Variants in KIF1A observed in about 807,000 individuals in gnomAD.
The protein encoded by KIF1A is kinesin-like protein KIF1A.
KIF1A carries 46 observed loss-of-function variants against 227.3 expected under a neutral mutation model. The observed-to-expected ratio is 0.20, with a 90% CI of 0.16 to 0.26. KIF1A has a LOEUF of 0.26. Ranked by LOEUF, KIF1A falls within the 10% of genes least tolerant of loss-of-function variation. The pLI, the probability that KIF1A is intolerant of heterozygous loss-of-function variation, is 1.00. For missense variants in KIF1A, 1,683 were observed against 2,485.9 expected (o/e 0.68, Z 6.87); for synonymous variants, 1,022 against 1,012.8 (o/e 1.01, Z -0.17).
In KIF1A at chr2:240,792,126, C is replaced by T. The variant is rs959490270; in HGVS notation, c.107-2814G>A. Among the ~76,000 whole-genome samples, 10 of 152,206 alleles carry T rather than the reference C, an allele frequency of 6.6e-5. No homozygotes were observed. Among genetic ancestry groups the T allele is most frequent in the Admixed American group, 4.6e-4 (7 of 15,300 alleles). On this transcript the variant is annotated intron_variant, in intron 2 of 48. Transcript: ENST00000498729. This position sits in a 1 kb window ranked among gnomAD's most constrained non-coding sequence, Gnocchi z 4.5. ...GAGGTCCTCTCCCCCGGTCACACGA[C>T]GCACAGCCAGACTAGAAGCCAGGGT...
intron 34 of KIF1A, among the ~76,000 whole-genome samples, chr2:240,741,975 C>A (rs779320839): frequency 6.6e-6 from 1 of 152,230 alleles, no homozygotes; most frequent in African/African-American, 2.4e-5. Flanking sequence ...TCTAGCAAGT[C>A]CCCTCCTCTG....
rs755479485 is a variant in KIF1A, at chr2:240,769,647, T to C, written c.1401A>G (p.Thr467=). 42 of 1,613,340 alleles carry C rather than the reference T, an allele frequency of 2.6e-5. No homozygotes were observed. The highest frequency in any genetic ancestry group is 3.6e-5 in the Non-Finnish European group (42 of 1,179,732). The stretch of plus-strand genomic sequence containing the variant: ...CACACCTCTCCATCCGGATGGCTTC[T>C]GTCCGCCGCAGCTTCTCCTCCCAGG... ...NETWEEKLRR[T]EAIRMEREAL... is the part of the protein sequence containing the mutation. Residue 467 remains threonine (T), a synonymous_variant, in exon 16 of 49, where the codon ACA becomes ACG. Transcript: ENST00000498729.
At chr2:240,723,844 A>T in intron 41 of KIF1A, 131 bp downstream of exon 41, 1 of 869,078 alleles carries the variant, frequency 1.2e-6, no homozygotes, top group Non-Finnish European at 1.9e-6. Flanking sequence ...ACAACTCCAG[A>T]AGCCACAAGG....
At chr2:240,754,280 T>A (rs987912918) in intron 27 of KIF1A, among the ~76,000 whole-genome samples, 1 of 152,180 alleles carries the variant, frequency 6.6e-6, no homozygotes. Flanking sequence ...CCTGTGAGCA[T>A]CCTCATGGCA....
rs193235064 is a variant in KIF1A, at chr2:240,752,220, C to T, written c.2859-1673G>A. On this transcript the variant is annotated intron_variant, in intron 27 of 48. Coordinates refer to ENST00000498729, the MANE Select transcript of KIF1A (RefSeq NM_001244008.2). The surrounding 1 kb of genome is among the most constrained non-coding windows in gnomAD (Gnocchi z 6.4). Reference sequence around the variant, plus strand: ...ATGGAGCCCATCAGGGACTTGTTACCCACAGGGCTGCAGGCGGCTCTGCCT... The same window carrying T: ...ATGGAGCCCATCAGGGACTTGTTACTCACAGGGCTGCAGGCGGCTCTGCCT... Among the ~76,000 whole-genome samples, 56 of 152,144 alleles carry T rather than the reference C, an allele frequency of 3.7e-4. No individual in the cohort carries two copies. The East Asian group carries it at 8.9e-3, about 24-fold the overall frequency.
rs1488881776 is a variant in KIF1A at position 240,790,273 on chromosome 2, A to T, written c.107-961T>A. 6.6e-6 allele frequency among the ~76,000 whole-genome samples: 1 copy of T among 152,178 alleles called. No homozygotes were observed. The highest frequency in any genetic ancestry group is 1.5e-5 in the Non-Finnish European group (1 of 68,030). ...CCCCTCCCAGGTTCTCACACCCAGG[A>T]GGAACACTGGCCATTCCTGGTCAGG... is the stretch of plus-strand genomic sequence containing the variant. On this transcript the variant is annotated intron_variant, in intron 2 of 48. Coordinates refer to ENST00000498729, the MANE Select transcript of KIF1A (RefSeq NM_001244008.2). This position sits in a 1 kb window ranked among gnomAD's most constrained non-coding sequence, Gnocchi z 5.0.
intron 17 of KIF1A, 144 bp from the exon 18 acceptor site, chr2:240,767,489 C>T (rs2051358809): frequency 3.0e-6 from 2 of 661,648 alleles, no homozygotes; most frequent in South Asian, 3.6e-5. Context: ...AGGCTGGTCA[C>T]TCCAAGCCAG....
intron 10 of KIF1A, among the ~76,000 whole-genome samples, chr2:240,781,579 G>A (rs558572737): frequency 6.6e-6 from 1 of 150,964 alleles, no homozygotes; most frequent in African/African-American, 2.4e-5. Context: ...TCCCCACGCC[G>A]CCCACGCCAT....
chr2:240,786,644 G>A, intron 5 of KIF1A, 131 bp from the exon 6 acceptor site: 2 of 789,202 alleles, frequency 2.5e-6, no homozygotes, highest in Non-Finnish European at 4.0e-6. Context: ...GCCGCCATCA[G>A]GACCCCTGAG....
intron 48 of KIF1A, 58 bp downstream of exon 48, chr2:240,717,992 G>C: frequency 1.8e-6 from 2 of 1,123,514 alleles, no homozygotes; most frequent in South Asian, 2.6e-5. Context: ...GTCCTGGCCA[G>C]GAGCCGGTTG....
rs1015576730 is a variant in KIF1A, at chr2:240,757,641, G to A, written c.2583-47C>T. ...AGAGAGAAGTTAACACCAGCGACTC[G>A]CAGGGACGAACAGGGGCCGGGGCCG... On this transcript the variant is annotated intron_variant, in intron 26 of 48. Coordinates refer to ENST00000498729, the MANE Select transcript of KIF1A (RefSeq NM_001244008.2). The surrounding 1 kb of genome is among the most constrained non-coding windows in gnomAD (Gnocchi z 6.2). The A allele has an allele frequency of 8.5e-6, 13 of 1,538,150 alleles. No homozygotes were observed. The highest frequency in any genetic ancestry group is 1.1e-5 in the Non-Finnish European group (13 of 1,139,628).
rs749149197 is a variant in KIF1A, at chr2:240,718,185, C to A, written c.5215-17G>T. The stretch of plus-strand genomic sequence containing the variant: ...GTTGGGTGTCTGCAGAGGGAGGCAG[C>A]TGGTGAGGAGGTGCCAGGCTCCGTG... On this transcript the variant is annotated splice_polypyrimidine_tract_variant and intron_variant, in intron 47 of 48. Coordinates refer to ENST00000498729, the MANE Select transcript of KIF1A (RefSeq NM_001244008.2). 6.4e-7 allele frequency: 1 copy of A among 1,555,494 alleles called. No homozygotes were observed. Among genetic ancestry groups the A allele is most frequent in the South Asian group, 1.2e-5 (1 of 86,316 alleles).
intron 8 of KIF1A, 37 bp downstream of exon 8, chr2:240,783,702 G>T (rs762595215): frequency 2.0e-6 from 3 of 1,518,668 alleles, no homozygotes; most frequent in Non-Finnish European, 2.7e-6. Flanking sequence ...CAGGCCAAAT[G>T]TGGACACGGG....
chr2:240,775,496 T>C lies in KIF1A; in HGVS notation c.958+355A>G, dbSNP rs1394652452. Among the ~76,000 whole-genome samples the C allele has an allele frequency of 1.3e-5, 2 of 152,116 alleles. No individual in the cohort carries two copies. The highest frequency in any genetic ancestry group is 2.9e-5 in the Non-Finnish European group (2 of 68,004). ...AAATCCAGCAAGCAGAGCTCCCAGATCGCGTCCCAGGTCCCCGTGACTGAT... is the reference window on the plus strand; with the variant it reads ...AAATCCAGCAAGCAGAGCTCCCAGACCGCGTCCCAGGTCCCCGTGACTGAT... On this transcript the variant is annotated intron_variant, in intron 11 of 48. Coordinates refer to ENST00000498729, the MANE Select transcript of KIF1A (RefSeq NM_001244008.2). This position sits in a 1 kb window ranked among gnomAD's most constrained non-coding sequence, Gnocchi z 5.5.
Position 240,765,765 on chromosome 2 carries a change from C to A in KIF1A, c.1713G>T (p.Gly571=), listed in dbSNP as rs777533602. The A allele has an allele frequency of 3.1e-6, 5 of 1,613,658 alleles. No homozygotes were observed. The highest frequency in any genetic ancestry group is 4.2e-6 in the Non-Finnish European group (5 of 1,179,818). ...TCTTGCCATTGACGTAGGTGTCTGC[C>A]CCCTCACAGGGCTCCAAGGTCACCA... ...EAVVTLEPCE[G]ADTYVNGKKV... Residue 571 remains glycine (G), a synonymous_variant, in exon 20 of 49, where the codon GGG becomes GGT. Transcript: ENST00000498729.
rs774851890 is a variant in KIF1A, at chr2:240,721,881, A to G, written c.4669T>C (p.Leu1557=). The change falls in exon 44 of 49, where the codon TTG becomes CTG. Residue 1557 remains leucine (L), a synonymous_variant. Coordinates refer to ENST00000498729, the MANE Select transcript of KIF1A (RefSeq NM_001244008.2). ...TTGAATGTGTGCGTGAGCAGGCGCA[A>G]GCACTGTGGACAGAGCACACGCGTG... ...ERQRELAVKC[L]RLLTHTFNRE... is the part of the protein sequence containing the mutation. 5.0e-6 allele frequency: 8 copies of G among 1,604,494 alleles called. No individual in the cohort carries two copies. The highest frequency in any genetic ancestry group is 4.0e-5 in the African/African-American group (3 of 74,880).
intron 14 of KIF1A, 159 bp from the exon 15 acceptor site, chr2:240,771,263 G>C (rs185130112): frequency 1.2e-6 from 1 of 852,134 alleles, no homozygotes; most frequent in South Asian, 1.5e-5. Flanking sequence ...AAGAGATGGG[G>C]CCCAGAGAAG....
chr2:240,789,697 C>G lies in KIF1A; in HGVS notation c.107-385G>C, dbSNP rs1247763422. ...CCCCTGCCCTGCCCCGCCCCCTGCT[C>G]AGGCCTTTATGCTCCGGCTCAGCGT... On this transcript the variant is annotated intron_variant, in intron 2 of 48. Coordinates refer to ENST00000498729, the MANE Select transcript of KIF1A (RefSeq NM_001244008.2). The surrounding 1 kb of genome is among the most constrained non-coding windows in gnomAD (Gnocchi z 4.8). Among the ~76,000 whole-genome samples the G allele has an allele frequency of 6.6e-6, 1 of 152,192 alleles. No individual in the cohort carries two copies. The highest frequency in any genetic ancestry group is 2.4e-5 in the African/African-American group (1 of 41,450).
Position 240,739,196 on chromosome 2 carries a change from G to A in KIF1A, c.3901+862C>T, listed in dbSNP as rs1301293184. On this transcript the variant is annotated intron_variant, in intron 37 of 48. Transcript: ENST00000498729. This position sits in a 1 kb window ranked among gnomAD's most constrained non-coding sequence, Gnocchi z 5.6. Reference sequence around the variant, plus strand: ...GGAAGTGACCTTGAGCAGCCACCCAGCCCGGCCATGGCAATGTCTGGGGCA... The same window carrying A: ...GGAAGTGACCTTGAGCAGCCACCCAACCCGGCCATGGCAATGTCTGGGGCA... Among the ~76,000 whole-genome samples the A allele has an allele frequency of 6.6e-6, 1 of 152,258 alleles. No homozygotes were observed. Among genetic ancestry groups the A allele is most frequent in the Non-Finnish European group, 1.5e-5 (1 of 68,044 alleles).
Sources: allele counts gnomAD v4.1 joint callset (sites outside exome capture counted in the v4.1 genomes callset), GRCh38; gene constraint gnomAD v4.1.1; non-coding constraint Gnocchi (gnomAD v3.1); transcripts MANE v1.5; gene names NCBI Gene and HGNC (gene_info 2026-07-23, HGNC 2026-07-21).